The following MMP26 variants were observed in gnomAD, a reference collection of about 807,000 sequenced individuals.
MMP26 encodes the protein matrix metalloproteinase-26.
In MMP26, 33 loss-of-function variants were observed where a neutral mutation model predicts 31.0. That is an observed-to-expected ratio of 1.06 (90% CI 0.81 to 1.42). The LOEUF (loss-of-function observed/expected upper bound fraction) is 1.42, where lower values mean the gene tolerates loss of function less well. MMP26 is among the 40% of genes most tolerant of loss of function. The pLI is 0.00. For synonymous variants in MMP26, 122 were observed against 114.9 expected (o/e 1.06, Z -0.40); for missense variants, 347 against 316.1 (o/e 1.10, Z -0.74).
intron 2 of MMP26, chr11:4,912,952 A>G (rs949328711): frequency 1.6e-4 from 24 of 148,630 alleles, no homozygotes; most frequent in African/African-American, 5.9e-4. Context: ...TGGAAAAGAA[A>G]AAAAAAACAA....
intron 2 of MMP26, chr11:4,849,222 A>G (rs774519314): frequency 7.0e-6 from 11 of 1,581,718 alleles, no homozygotes; most frequent in Non-Finnish European, 6.0e-6. Flanking sequence ...TCAGGATTCC[A>G]CGTTGAACTC....
At chr11:4,705,159 A>C (rs1354188147) in intron 1 of MMP26, 114 bp downstream of exon 1, 2 of 152,248 alleles carry the variant, frequency 1.3e-5, no homozygotes, top group African/African-American at 4.8e-5. Context: ...GCATGAACTC[A>C]GTAGTGTATT....
At chr11:4,835,229 C>CACACACACACACACAT (rs1158834424) in intron 2 of MMP26, among the ~76,000 whole-genome samples, 4 of 151,634 alleles carry the variant, frequency 2.6e-5, no homozygotes, top group Non-Finnish European at 5.9e-5. Context: ...CACACACACA[C>CACACACACACACACAT]ACACATACAC....
intron 6 of MMP26, 27 bp from the exon 7 acceptor site, chr11:4,991,937 A>G (rs1589826642): frequency 6.5e-7 from 1 of 1,541,910 alleles, no homozygotes; most frequent in African/African-American, 1.4e-5. Flanking sequence ...AGTTAATTTT[A>G]TCTTTTTTTT....
At chr11:4,923,370 T>C (rs1338174870) in intron 2 of MMP26, 1 of 1,528,318 alleles carries the variant, frequency 6.5e-7, no homozygotes, top group Non-Finnish European at 8.8e-7. Flanking sequence ...CTCTTTACTC[T>C]AACTTAATCC....
chr11:4,905,072 G>T (rs1206433537), intron 2 of MMP26, among the ~76,000 whole-genome samples: 1 of 152,032 alleles, frequency 6.6e-6, no homozygotes, highest in South Asian at 2.1e-4. Flanking sequence ...AGCAAAAGAC[G>T]AAAATAAAAA....
intron 2 of MMP26, chr11:4,769,024 T>G (rs756372030): frequency 1.3e-6 from 2 of 1,521,318 alleles, no homozygotes; most frequent in Admixed American, 4.4e-5. Flanking sequence ...GGATTTGTTT[T>G]GTTTTTACAC....
intron 2 of MMP26, among the ~76,000 whole-genome samples, chr11:4,782,109 C>T (rs1169393302): frequency 6.6e-6 from 1 of 152,050 alleles, no homozygotes; most frequent in Non-Finnish European, 1.5e-5. Context: ...GAAAAGATAC[C>T]CCAAAAATAT....
intron 2 of MMP26, among the ~76,000 whole-genome samples, chr11:4,844,841 A>G (rs1192441375): frequency 6.6e-6 from 1 of 152,158 alleles, no homozygotes; most frequent in Non-Finnish European, 1.5e-5. Flanking sequence ...TCTAAGATCT[A>G]AAACACTAGA....
intron 1 of MMP26, among the ~76,000 whole-genome samples, chr11:4,764,392 T>A (rs938046042): frequency 6.6e-6 from 1 of 152,118 alleles, no homozygotes; most frequent in African/African-American, 2.4e-5. Context: ...AAAAAATATT[T>A]CCCTTTTTCT....
At chr11:4,889,038 G>A (rs1166546820) in intron 2 of MMP26, among the ~76,000 whole-genome samples, 1 of 152,128 alleles carries the variant, frequency 6.6e-6, no homozygotes, top group Non-Finnish European at 1.5e-5. Flanking sequence ...GTATCAGTGT[G>A]TTGAGTCATG....
chr11:4,803,496 A>G (rs748749621), intron 2 of MMP26: 18 of 1,614,042 alleles, frequency 1.1e-5, no homozygotes, highest in Admixed American at 3.3e-5. Context: ...TTCTAACTCC[A>G]TAAATGATGG....
At chr11:4,779,822 C>A (rs573564288) in intron 2 of MMP26, among the ~76,000 whole-genome samples, 1 of 152,174 alleles carries the variant, frequency 6.6e-6, no homozygotes, top group South Asian at 2.1e-4. Flanking sequence ...AAGCTTAAGA[C>A]ACAGAGCATT....
chr11:4,823,536 A>T (rs1403357465), intron 2 of MMP26, among the ~76,000 whole-genome samples: 1 of 152,154 alleles, frequency 6.6e-6, no homozygotes, highest in Non-Finnish European at 1.5e-5. Context: ...CTTGTCTACC[A>T]GTCTATTCAT....
At chr11:4,843,301 C>A (rs1849821532) in intron 2 of MMP26, among the ~76,000 whole-genome samples, 1 of 152,238 alleles carries the variant, frequency 6.6e-6, no homozygotes, top group Admixed American at 6.5e-5. Context: ...ACTCCACTGC[C>A]TTAGTAGAAG....
At chr11:4,873,708 C>A (rs920695735) in intron 2 of MMP26, among the ~76,000 whole-genome samples, 1 of 152,076 alleles carries the variant, frequency 6.6e-6, no homozygotes, top group Admixed American at 6.6e-5. Flanking sequence ...TATATCTGAA[C>A]TTTATTGAGT....
At chr11:4,952,031 T>C (rs1846379107) in intron 2 of MMP26, among the ~76,000 whole-genome samples, 1 of 124,512 alleles carries the variant, frequency 8.0e-6, no homozygotes, top group Non-Finnish European at 1.8e-5. Flanking sequence ...GTCTGTCTGC[T>C]GTTATGATAT....
At chr11:4,908,348 C>A (rs773998070) in intron 2 of MMP26, 1 of 1,505,540 alleles carries the variant, frequency 6.6e-7, no homozygotes, top group South Asian at 1.1e-5. Context: ...AACCAGTAGG[C>A]ATTTACTGTC....
chr11:4,921,316 A>T (rs924736844), intron 2 of MMP26, among the ~76,000 whole-genome samples: 1 of 152,236 alleles, frequency 6.6e-6, no homozygotes, highest in Non-Finnish European at 1.5e-5. Context: ...AGAGAGAGGC[A>T]TACTGACTTT....
Sources: allele counts gnomAD v4.1 joint callset (sites outside exome capture counted in the v4.1 genomes callset), GRCh38; gene constraint gnomAD v4.1.1; transcripts MANE v1.5; gene names NCBI Gene and HGNC (gene_info 2026-07-23, HGNC 2026-07-21).